Variants in BRIP1 observed in about 807,000 individuals in gnomAD.
BRIP1 encodes Fanconi anemia group J protein.
BRIP1 carries 88 observed loss-of-function variants against 119.7 expected under a neutral mutation model. The observed-to-expected ratio is 0.74, with a 90% CI of 0.62 to 0.88. The LOEUF (loss-of-function observed/expected upper bound fraction) is 0.88, where lower values mean the gene tolerates loss of function less well. Among genes scored for constraint, BRIP1 ranks in the 40% least tolerant of loss-of-function variants. BRIP1 has a pLI of 0.00. For missense variants in BRIP1, 1,259 were observed against 1,455.4 expected (o/e 0.87, Z 2.20); for synonymous variants, 443 against 496.5 (o/e 0.89, Z 1.43).
chr17:61,840,518 T>G (rs1353423269), intron 6 of BRIP1, among the ~76,000 whole-genome samples: 1 of 152,172 alleles, frequency 6.6e-6, no homozygotes, highest in Non-Finnish European at 1.5e-5. Flanking sequence ...AGCTCACACC[T>G]ATAATCCTGG....
In BRIP1 at chr17:61,861,704, A is replaced by G; in HGVS notation, c.-30-135T>C. ...TAAACAAAACAAATGGAAACAAAAT[A>G]ATTTCCTAGTCTTATAAATCACAGC... On this transcript the variant is annotated intron_variant, in intron 1 of 19. Transcript: ENST00000259008. The surrounding 1 kb of genome is among the most constrained non-coding windows in gnomAD (Gnocchi z 4.5). The G allele has an allele frequency of 1.5e-6, 1 of 655,632 alleles. No individual in the cohort carries two copies. Among genetic ancestry groups the G allele is most frequent in the Non-Finnish European group, 2.7e-6 (1 of 368,822 alleles). 40.6% of individuals were successfully genotyped at this position (655,632 alleles called of 1,614,324 possible).
At position 61,831,132 on chromosome 17, in the gene BRIP1, A is replaced by C. The variant is rs1472468206; in HGVS notation, c.627+15969T>G. Among the ~76,000 whole-genome samples, 1 of 152,224 alleles carries C rather than the reference A, an allele frequency of 6.6e-6. No homozygotes were observed. Among genetic ancestry groups the C allele is most frequent in the Non-Finnish European group, 1.5e-5 (1 of 68,036 alleles). The stretch of plus-strand genomic sequence containing the variant: ...TAGAAGGAAACTTCTTTAGCCTGAC[A>C]AAGGGCATAGACAGAACACCTAGCA... On this transcript the variant is annotated intron_variant, in intron 6 of 19. Coordinates refer to ENST00000259008, the MANE Select transcript of BRIP1 (RefSeq NM_032043.3). The surrounding 1 kb of genome is among the most constrained non-coding windows in gnomAD (Gnocchi z 4.1).
In BRIP1 at chr17:61,725,122, AGTGTGTGTGT is replaced by A. The variant is rs57246896; in HGVS notation, c.2380-9069_2380-9060del. Reference sequence around the variant, plus strand: ...AGATTTCTGACACAGTTAACCAAATAGTGTGTGTGTGTGTGTGTGTGTGTATATACACTTT... The same window carrying A: ...AGATTTCTGACACAGTTAACCAAATAGTGTGTGTGTGTGTATATACACTTT... On this transcript the variant is annotated intron_variant, in intron 16 of 19. Coordinates refer to ENST00000259008, the MANE Select transcript of BRIP1 (RefSeq NM_032043.3). The surrounding 1 kb of genome is among the most constrained non-coding windows in gnomAD (Gnocchi z 5.3). Among the ~76,000 whole-genome samples, 2 of 151,272 alleles carry A rather than the reference AGTGTGTGTGT, an allele frequency of 1.3e-5. No homozygotes were observed. The highest frequency in any genetic ancestry group is 2.4e-5 in the African/African-American group (1 of 41,194).
rs377667593 is a variant in BRIP1 at position 61,793,570 on chromosome 17, G to C, written c.1473+27C>G. On this transcript the variant is annotated intron_variant, in intron 10 of 19. Coordinates refer to ENST00000259008, the MANE Select transcript of BRIP1 (RefSeq NM_032043.3). The surrounding 1 kb of genome is among the most constrained non-coding windows in gnomAD (Gnocchi z 5.2). ...AAATCACTTCTAATTCACTAAATACGTTTCACAGGTAGAAAAAATATCTTA... is the reference window on the plus strand; with the variant it reads ...AAATCACTTCTAATTCACTAAATACCTTTCACAGGTAGAAAAAATATCTTA... 250 of 1,587,478 alleles carry C rather than the reference G, an allele frequency of 1.6e-4. No individual in the cohort carries two copies. Among genetic ancestry groups the C allele is most frequent in the Non-Finnish European group, 2.1e-4 (245 of 1,163,904 alleles).
rs2078685145 is a variant in BRIP1, at chr17:61,843,395, G to C, written c.627+3706C>G. Among the ~76,000 whole-genome samples the C allele has an allele frequency of 6.6e-6, 1 of 151,916 alleles. No individual in the cohort carries two copies. The highest frequency in any genetic ancestry group is 2.4e-5 in the African/African-American group (1 of 41,328). ...CTCAACACACACACACACACAAAAG[G>C]TAACTATGTAAGGAGATGAATATAT... On this transcript the variant is annotated intron_variant, in intron 6 of 19. Transcript: ENST00000259008. The surrounding 1 kb of genome is among the most constrained non-coding windows in gnomAD (Gnocchi z 5.7).
At chr17:61,854,461 C>G (rs996304558) in intron 4 of BRIP1, among the ~76,000 whole-genome samples, 2 of 152,138 alleles carry the variant, frequency 1.3e-5, no homozygotes, top group African/African-American at 4.8e-5. Flanking sequence ...AATCCTAACA[C>G]TTTGTGAGGC....
intron 14 of BRIP1, among the ~76,000 whole-genome samples, chr17:61,750,868 C>A (rs1179776586): frequency 6.6e-6 from 1 of 152,156 alleles, no homozygotes; most frequent in African/African-American, 2.4e-5. Flanking sequence ...GTAACTGTCA[C>A]ACATTGCTAG....
chr17:61,685,646 A>T, intron 19 of BRIP1, 190 bp downstream of exon 19: 1 of 589,156 alleles, frequency 1.7e-6, no homozygotes, highest in East Asian at 2.9e-5. Context: ...AAACCAGAAA[A>T]TATGCTCTGG....
intron 4 of BRIP1, among the ~76,000 whole-genome samples, chr17:61,854,702 C>CA (rs60657866): frequency 0.023 from 1,842 of 81,608 alleles, 27 homozygotes; most frequent in Non-Finnish European, 0.033. Flanking sequence ...GACTCCGTCT[C>CA]AAAAAAAAAA....
At chr17:61,712,996 T>G (rs1437252807) in intron 17 of BRIP1, among the ~76,000 whole-genome samples, 1 of 152,156 alleles carries the variant, frequency 6.6e-6, no homozygotes, top group Non-Finnish European at 1.5e-5. Flanking sequence ...TAAGGGATAG[T>G]AATGCACCAC....
In BRIP1 at chr17:61,852,879, G is replaced by A. The variant is rs1163997372; in HGVS notation, c.380-3623C>T. ...TGGTGAACAACTTTCATATACTGCTGCAGGGGTTGGAGGGATCTGACCGGG... is the reference window on the plus strand; with the variant it reads ...TGGTGAACAACTTTCATATACTGCTACAGGGGTTGGAGGGATCTGACCGGG... On this transcript the variant is annotated intron_variant, in intron 4 of 19. Coordinates refer to ENST00000259008, the MANE Select transcript of BRIP1 (RefSeq NM_032043.3). This position sits in a 1 kb window ranked among gnomAD's most constrained non-coding sequence, Gnocchi z 4.9. Among the ~76,000 whole-genome samples the A allele has an allele frequency of 2.0e-5, 3 of 152,058 alleles. No homozygotes were observed. The highest frequency in any genetic ancestry group is 4.4e-5 in the Non-Finnish European group (3 of 68,018).
chr17:61,799,611 T>A lies in BRIP1; in HGVS notation c.1141-312A>T, dbSNP rs754315161. Among the ~76,000 whole-genome samples, 1 of 152,114 alleles carries A rather than the reference T, an allele frequency of 6.6e-6. No homozygotes were observed. The highest frequency in any genetic ancestry group is 2.1e-4 in the South Asian group (1 of 4,832). On this transcript the variant is annotated intron_variant, in intron 8 of 19. Coordinates refer to ENST00000259008, the MANE Select transcript of BRIP1 (RefSeq NM_032043.3). This position sits in a 1 kb window ranked among gnomAD's most constrained non-coding sequence, Gnocchi z 5.1. ...CACAGAAAGGTATAAAATCCCACTA[T>A]GAAAGTGTTTCCAACATAATTTTAC...
At chr17:61,829,592 T>A (rs927687310) in intron 6 of BRIP1, among the ~76,000 whole-genome samples, 1 of 151,546 alleles carries the variant, frequency 6.6e-6, no homozygotes, top group South Asian at 2.1e-4. Context: ...TACCCATACT[T>A]TCCAAAAACT....
At position 61,843,581 on chromosome 17, in the gene BRIP1, C is replaced by T. The variant is rs117036826; in HGVS notation, c.627+3520G>A. The stretch of plus-strand genomic sequence containing the variant: ...GTTGAGTTCTTGCTCTGAGGTCACA[C>T]GAGATCTGGTTATTTAAAACAGTGT... On this transcript the variant is annotated intron_variant, in intron 6 of 19. Coordinates refer to ENST00000259008, the MANE Select transcript of BRIP1 (RefSeq NM_032043.3). This position sits in a 1 kb window ranked among gnomAD's most constrained non-coding sequence, Gnocchi z 5.7. 7.8e-4 allele frequency among the ~76,000 whole-genome samples: 118 copies of T among 152,142 alleles called. No homozygotes were observed. The East Asian group carries it at 0.018, about 23-fold the overall frequency.
In BRIP1 at chr17:61,816,028, G is replaced by A. The variant is rs1409201902; in HGVS notation, c.628-7271C>T. Among the ~76,000 whole-genome samples the A allele has an allele frequency of 6.6e-6, 1 of 152,110 alleles. No individual in the cohort carries two copies. Among genetic ancestry groups the A allele is most frequent in the Non-Finnish European group, 1.5e-5 (1 of 68,012 alleles). ...TCTTTTTTTAAAAATTCAAACAGTA[G>A]TAGTACCCTACTGCCACCGTTTCAT... On this transcript the variant is annotated intron_variant, in intron 6 of 19. Coordinates refer to ENST00000259008, the MANE Select transcript of BRIP1 (RefSeq NM_032043.3). This position sits in a 1 kb window ranked among gnomAD's most constrained non-coding sequence, Gnocchi z 5.0.
rs2078917378 is a variant in BRIP1, at chr17:61,857,672, AGAGG to A, written c.206-445_206-442del. 6.6e-6 allele frequency among the ~76,000 whole-genome samples: 1 copy of A among 152,164 alleles called. No homozygotes were observed. The highest frequency in any genetic ancestry group is 2.4e-5 in the African/African-American group (1 of 41,438). ...CTGGGAGGCAGAGGTAGCAATGAGC[AGAGG>A]TCATGCCACTGCACTCCAGCCTAGG... is the stretch of plus-strand genomic sequence containing the variant. On this transcript the variant is annotated intron_variant, in intron 3 of 19. Transcript: ENST00000259008. The surrounding 1 kb of genome is among the most constrained non-coding windows in gnomAD (Gnocchi z 5.1).
chr17:61,787,167 A>G lies in BRIP1; in HGVS notation c.1474-2743T>C, dbSNP rs2077734374. On this transcript the variant is annotated intron_variant, in intron 10 of 19. Coordinates refer to ENST00000259008, the MANE Select transcript of BRIP1 (RefSeq NM_032043.3). ...TATATAAAAATATATTATATACTAT[A>G]TAAAATATATAAAAATATATTATAT... Among the ~76,000 whole-genome samples, 3 of 98,804 alleles carry G rather than the reference A, an allele frequency of 3.0e-5. No homozygotes were observed. The South Asian group carries it at 9.9e-4, about 33-fold the overall frequency. The allele number at this position is 98,804 out of a possible 152,430, so 64.8% of individuals were successfully genotyped here.
Position 61,683,906 on chromosome 17 carries a change from A to G in BRIP1, c.3140T>C (p.Leu1047Ser), listed in dbSNP as rs786203344. The G allele has an allele frequency of 3.1e-6, 5 of 1,614,098 alleles. No homozygotes were observed. Among genetic ancestry groups the G allele is most frequent in the Non-Finnish European group, 4.2e-6 (5 of 1,180,044 alleles). Residue 1047 changes from leucine (L) to serine (S), a missense_variant, in exon 20 of 20, where the codon TTG becomes TCG. Physicochemically the swap from Leu to Ser is moderately radical, Grantham distance 145. Around this residue, in one of 3 missense-constraint regions of BRIP1, gnomAD observed 753 missense variants for 891.8 expected, o/e 0.84. Transcript: ENST00000259008. This position sits in a 1 kb window ranked among gnomAD's most constrained non-coding sequence, Gnocchi z 4.7. ...KTEKMESKTV[L>S]PFTDKCESSN... ...GGATTCACATTTATCAGTGAAGGGC[A>G]AAACAGTTTTACTTTCCATCTTCTC...
intron 6 of BRIP1, among the ~76,000 whole-genome samples, chr17:61,830,293 T>A (rs1319539337): frequency 2.0e-4 from 7 of 35,856 alleles, no homozygotes; most frequent in Non-Finnish European, 1.5e-4. Flanking sequence ...AGTAAAACAA[T>A]GGTAATTAAA....
Sources: allele counts gnomAD v4.1 joint callset (sites outside exome capture counted in the v4.1 genomes callset), GRCh38; gene constraint gnomAD v4.1.1; regional missense constraint gnomAD v4.1.1; non-coding constraint Gnocchi (gnomAD v3.1); transcripts MANE v1.5; gene names NCBI Gene and HGNC (gene_info 2026-07-23, HGNC 2026-07-21).